The following THSD7B variants were observed in gnomAD, a reference collection of about 807,000 sequenced individuals.
The protein encoded by THSD7B is thrombospondin type-1 domain-containing protein 7B.
THSD7B carries 138 observed loss-of-function variants against 213.6 expected under a neutral mutation model. The ratio of observed to expected loss-of-function variants is 0.65; its 90% CI spans 0.56 to 0.74. The LOEUF (loss-of-function observed/expected upper bound fraction) is 0.74, where lower values mean the gene tolerates loss of function less well. Ranked by LOEUF, THSD7B falls within the 30% of genes least tolerant of loss-of-function variation. THSD7B has a pLI of 0.00. For synonymous variants in THSD7B, 742 were observed against 687.0 expected (o/e 1.08, Z -1.25); for missense variants, 1,931 against 1,991.5 (o/e 0.97, Z 0.58).
At chr2:137,319,758 T>A (rs1558756652) in intron 12 of THSD7B, among the ~76,000 whole-genome samples, 1 of 152,216 alleles carries the variant, frequency 6.6e-6, no homozygotes, top group Non-Finnish European at 1.5e-5. Flanking sequence ...AACTTGACTT[T>A]TTTTTAGAGG....
intron 12 of THSD7B, among the ~76,000 whole-genome samples, chr2:137,281,666 T>C: frequency 6.6e-6 from 1 of 151,944 alleles, no homozygotes; most frequent in Non-Finnish European, 1.5e-5. Context: ...TGGTTTTTTG[T>C]CCTTGAGATA....
At chr2:137,104,160 A>G (rs1184617183) in intron 4 of THSD7B, among the ~76,000 whole-genome samples, 1 of 152,206 alleles carries the variant, frequency 6.6e-6, no homozygotes, top group Non-Finnish European at 1.5e-5. Context: ...AATGTAAAAG[A>G]ACAGAAATAA....
At chr2:137,092,183 C>T (rs1262721447) in intron 3 of THSD7B, among the ~76,000 whole-genome samples, 3 of 152,140 alleles carry the variant, frequency 2.0e-5, no homozygotes, top group African/African-American at 7.2e-5. Flanking sequence ...GAGACCAAGT[C>T]AGGTGGATTG....
chr2:137,233,505 G>T (rs868449587), intron 9 of THSD7B, among the ~76,000 whole-genome samples: 13 of 152,096 alleles, frequency 8.5e-5, no homozygotes, highest in Middle Eastern at 3.4e-3. Context: ...TGAAATATAG[G>T]GTTGTGTCTT....
intron 2 of THSD7B, among the ~76,000 whole-genome samples, chr2:136,974,089 A>G (rs1685443669): frequency 6.6e-6 from 1 of 152,160 alleles, no homozygotes. Context: ...TGCCATTGAT[A>G]ATTGTTTTCT....
At chr2:137,448,777 C>T (rs1044269921) in intron 14 of THSD7B, among the ~76,000 whole-genome samples, 31 of 151,266 alleles carry the variant, frequency 2.0e-4, no homozygotes, top group East Asian at 7.8e-4. Flanking sequence ...CCAGCCTGGG[C>T]GACAGAGCGA....
intron 12 of THSD7B, among the ~76,000 whole-genome samples, chr2:137,297,983 A>G (rs1406041886): frequency 2.6e-5 from 4 of 152,158 alleles, no homozygotes; most frequent in Non-Finnish European, 4.4e-5. Flanking sequence ...TTGTTGAAAG[A>G]ATACCCAAAA....
chr2:137,319,551 A>T (rs760373086), intron 12 of THSD7B, among the ~76,000 whole-genome samples: 1 of 152,168 alleles, frequency 6.6e-6, no homozygotes, highest in African/African-American at 2.4e-5. Context: ...TAATCACTTC[A>T]TGTTCAATAT....
intron 12 of THSD7B, among the ~76,000 whole-genome samples, chr2:137,320,536 T>C (rs1479374815): frequency 6.6e-6 from 1 of 152,184 alleles, no homozygotes; most frequent in East Asian, 1.9e-4. Context: ...CTGTGTTGAT[T>C]TGGGCCATGT....
intron 2 of THSD7B, among the ~76,000 whole-genome samples, chr2:136,957,509 A>G (rs1685147258): frequency 6.6e-6 from 1 of 151,740 alleles, no homozygotes; most frequent in South Asian, 2.1e-4. Flanking sequence ...AACTAGTACC[A>G]GAAAGAGTCC....
At chr2:136,809,274 G>A (rs997093962) in intron 1 of THSD7B, among the ~76,000 whole-genome samples, 4 of 152,164 alleles carry the variant, frequency 2.6e-5, no homozygotes, top group African/African-American at 9.7e-5. Context: ...GTGGTGAAGG[G>A]ATGAGCCAGT....
At chr2:137,221,932 C>A (rs1479999373) in intron 7 of THSD7B, among the ~76,000 whole-genome samples, 1 of 152,176 alleles carries the variant, frequency 6.6e-6, no homozygotes, top group East Asian at 1.9e-4. Flanking sequence ...GGTCCAGATT[C>A]TTTTCTGCAG....
chr2:137,390,363 C>T (rs1282195455), intron 12 of THSD7B, among the ~76,000 whole-genome samples: 1 of 152,026 alleles, frequency 6.6e-6, no homozygotes, highest in Non-Finnish European at 1.5e-5. Flanking sequence ...TATAGAAATG[C>T]TACTGATTTC....
In THSD7B at chr2:137,231,240, G is replaced by A. The variant is rs1246904394; in HGVS notation, c.1915+5G>A. 6.3e-7 allele frequency: 1 copy of A among 1,598,364 alleles called. No individual in the cohort carries two copies. The highest frequency in any genetic ancestry group is 8.5e-7 in the Non-Finnish European group (1 of 1,171,378). On this transcript the variant is annotated splice_donor_5th_base_variant and intron_variant, in intron 8 of 27. Coordinates refer to ENST00000409968, the MANE Select transcript of THSD7B (RefSeq NM_001316349.2). ...TCCTGGCACTGGCTGGGGAAGGTGA[G>A]TAACAGAAAAGGTTTTCACTTTGGA...
At chr2:137,018,032 G>A (rs1686374637) in intron 2 of THSD7B, among the ~76,000 whole-genome samples, 2 of 148,586 alleles carry the variant, frequency 1.3e-5, no homozygotes, top group South Asian at 4.2e-4. Flanking sequence ...TCTCTTTTAT[G>A]AGTGAAAAAC....
chr2:136,889,187 A>G (rs1273395896), intron 2 of THSD7B, among the ~76,000 whole-genome samples: 2 of 152,204 alleles, frequency 1.3e-5, no homozygotes, highest in Non-Finnish European at 2.9e-5. Context: ...GTTGAACTCA[A>G]TCTTTAAAAA....
chr2:137,190,999 T>C (rs945765066), intron 7 of THSD7B, among the ~76,000 whole-genome samples: 4 of 152,184 alleles, frequency 2.6e-5, no homozygotes, highest in African/African-American at 9.6e-5. Flanking sequence ...GCCACACTCC[T>C]GCTGACAGGC....
intron 12 of THSD7B, among the ~76,000 whole-genome samples, chr2:137,397,511 G>A (rs1686224311): frequency 6.6e-6 from 1 of 151,700 alleles, no homozygotes; most frequent in African/African-American, 2.4e-5. Flanking sequence ...CTTCTGGCTT[G>A]TAGGGTTTCT....
At chr2:137,233,177 G>C (rs1374252223) in intron 9 of THSD7B, 44 bp downstream of exon 9, 1 of 1,535,796 alleles carries the variant, frequency 6.5e-7, no homozygotes, top group Non-Finnish European at 8.9e-7. Context: ...CTTATTTCAT[G>C]TTGAGTATTT....
Sources: gnomAD v4.1 joint callset for allele counts (sites outside exome capture counted in the v4.1 genomes callset) on GRCh38, gnomAD v4.1.1 for gene constraint, MANE v1.5 for transcripts, NCBI Gene and HGNC (gene_info 2026-07-23, HGNC 2026-07-21) for gene names.